The following PSRC1 variants were observed in gnomAD, a reference collection of about 807,000 sequenced individuals.
PSRC1 encodes proline/serine-rich coiled-coil protein 1.
In PSRC1, 30 loss-of-function variants were observed where a neutral mutation model predicts 31.9. That is an observed-to-expected ratio of 0.94 (90% confidence interval 0.70 to 1.28). PSRC1 has a LOEUF of 1.28. Among genes scored for constraint, PSRC1 ranks in the 50% most tolerant of loss-of-function variants. PSRC1 has a pLI of 0.00. For missense variants in PSRC1, 481 were observed against 472.8 expected (o/e 1.02, Z -0.16); for synonymous variants, 191 against 192.1 (o/e 0.99, Z 0.05).
chr1:109,279,887 T>G, exon 7 of PSRC1: 1 of 541,348 alleles, frequency 1.8e-6, no homozygotes, highest in Non-Finnish European at 3.3e-6. Context: ...GTACTTCTCA[T>G]CTTCTATTTG....
intron 5 of PSRC1, 67 bp from the exon 7 acceptor site, chr1:109,280,556 GA>G: frequency 7.5e-7 from 1 of 1,325,480 alleles, no homozygotes; most frequent in Non-Finnish European, 1.1e-6. Context: ...AGAAATACTG[GA>G]TGAAGGGAGC....
chr1:109,281,260 CAAAG>C lies in PSRC1; in HGVS notation c.520-13_520-10del, dbSNP rs748339455. The C allele has an allele frequency of 1.7e-5, 26 of 1,563,380 alleles. No homozygotes were observed. Among genetic ancestry groups the C allele is most frequent in the African/African-American group, 6.9e-5 (5 of 72,944 alleles). ...TTGCAAGTGGGTGACTCCTGAAACA[CAAAG>C]AGAGAGAGAAAAAAGACTAGAGTGG... On this transcript the variant is annotated splice_polypyrimidine_tract_variant and intron_variant, in intron 4 of 6. Transcript: ENST00000409138.
chr1:109,281,364 G>T, intron 4 of PSRC1, 113 bp from the exon 5 acceptor site: 1 of 957,944 alleles, frequency 1.0e-6, no homozygotes, highest in Non-Finnish European at 1.5e-6. Flanking sequence ...GTAAGGAAGG[G>T]TAGAAGTTAG....
Position 109,280,382 on chromosome 1 carries a change from A to G in PSRC1, c.1088+14T>C. 1 of 1,591,928 alleles carries G rather than the reference A, an allele frequency of 6.3e-7. No individual in the cohort carries two copies. The highest frequency in any genetic ancestry group is 8.6e-7 in the Non-Finnish European group (1 of 1,164,184). On this transcript the variant is annotated intron_variant, in intron 6 of 6. Coordinates refer to ENST00000409138, the Ensembl canonical transcript of PSRC1. ...GGTAGGGAGACAGGATGGGCAAGGG[A>G]GGACCAGACTGACCTGGTAGGTCCT...
intron 1 of PSRC1, 88 bp from the exon 2 acceptor site, chr1:109,282,824 T>G: frequency 1.1e-5 from 15 of 1,337,168 alleles, no homozygotes; most frequent in Non-Finnish European, 1.6e-5. Flanking sequence ...TCGGGGGTCA[T>G]GCTGGAGGCA....
At chr1:109,282,087 A>G in intron 3 of PSRC1, 27 bp from the exon 4 acceptor site, 1 of 1,461,306 alleles carries the variant, frequency 6.8e-7, no homozygotes. Flanking sequence ...ACCAGGCATC[A>G]TGCCCATGCA....
chr1:109,282,059 G>A lies in PSRC1; in HGVS notation c.79C>T (p.Arg27Cys), dbSNP rs531649180. 8.8e-6 allele frequency: 13 copies of A among 1,485,036 alleles called. No individual in the cohort carries two copies. The highest frequency in any genetic ancestry group is 2.8e-5 in the African/African-American group (2 of 71,464). The allele number at this position is 1,485,036 out of a possible 1,614,324, so 92.0% of individuals were successfully genotyped here. A position where few individuals can be genotyped will look rare whatever the true frequency, so the allele number is the denominator to read the frequency against. Residue 27 changes from arginine to cysteine, a missense_variant and splice_region_variant, in exon 4 of 7, where the codon CGT becomes TGT. Coordinates refer to ENST00000409138, the Ensembl canonical transcript of PSRC1. ...AACACTGTTATGTCTTCCTCCTCAC[G>A]GCTGAGACAGGAAACAAACCAGGCA...
At position 109,281,604 on chromosome 1, in the gene PSRC1, ACT is replaced by A. The variant is rs1161329135; in HGVS notation, c.519+13_519+14del. 10 of 1,598,046 alleles carry A rather than the reference ACT, an allele frequency of 6.3e-6. No individual in the cohort carries two copies. The highest frequency in any genetic ancestry group is 1.7e-4 in the Middle Eastern group (1 of 6,022). ...ATGTCTGGGGCACACCTCCAACTCAACTCTCTCAACTCACCCTCTTCATGTTG... is the reference window on the plus strand; with the variant it reads ...ATGTCTGGGGCACACCTCCAACTCAACTCTCAACTCACCCTCTTCATGTTG... On this transcript the variant is annotated intron_variant, in intron 4 of 6. Transcript: ENST00000409138.
chr1:109,282,649 C>T (rs1249303936), intron 2 of PSRC1, 31 bp downstream of exon 2: 2 of 1,588,122 alleles, frequency 1.3e-6, no homozygotes, highest in Middle Eastern at 1.7e-4. Flanking sequence ...CTCACTCCTC[C>T]CTTTCATTCT....
intron 2 of PSRC1, 43 bp downstream of exon 2, chr1:109,282,637 G>A: frequency 6.2e-7 from 1 of 1,601,596 alleles, no homozygotes. Flanking sequence ...CCATCGCTGG[G>A]TCTCACTCCT....
chr1:109,283,085 T>G, exon 1 of PSRC1: 3 of 294,656 alleles, frequency 1.0e-5, no homozygotes, highest in African/African-American at 2.2e-5. Flanking sequence ...CTGTGTCCAC[T>G]TCCCGCGCCG....
intron 1 of PSRC1, 22 bp downstream of exon 1, chr1:109,283,041 T>C: frequency 2.3e-6 from 1 of 427,454 alleles, no homozygotes; most frequent in Non-Finnish European, 4.2e-6. Flanking sequence ...TCCACTCCCC[T>C]GGCATCACAC....
chr1:109,282,142 A>G (rs1469780087), intron 3 of PSRC1, 82 bp from the exon 4 acceptor site: 5 of 1,271,150 alleles, frequency 3.9e-6, no homozygotes, highest in Non-Finnish European at 5.3e-6. Flanking sequence ...TAAAAGCCCC[A>G]CAACAGAGCC....
rs765362726 is a variant in PSRC1, at chr1:109,281,714, T to A, written c.424A>T (p.Ser142Cys). ...CTCCGGAGTCGAGGCGTCAGGCTGC[T>A]TGGGGAGGGGGTGCTCCGCGTCAAA... Residue 142 changes from serine (S) to cysteine (C), a missense_variant, in exon 4 of 7, where the codon AGC (serine) becomes TGC (cysteine). Ser to Cys is a moderately radical substitution (Grantham distance 112). Transcript: ENST00000409138. The A allele has an allele frequency of 4.3e-6, 7 of 1,613,870 alleles. No homozygotes were observed. In the African/African-American group the frequency reaches 8.0e-5, roughly 18 times the overall value.
At chr1:109,282,573 C>A (rs943435350) in exon 3 of PSRC1, 6 of 1,614,020 alleles carry the variant, frequency 3.7e-6, no homozygotes, top group Non-Finnish European at 2.5e-6. Flanking sequence ...ATAAACCTTA[C>A]ATCTGAAGGG....
At chr1:109,282,653 T>A in intron 2 of PSRC1, 27 bp downstream of exon 2, 3 of 1,583,336 alleles carry the variant, frequency 1.9e-6, no homozygotes, top group Non-Finnish European at 2.6e-6. Context: ...CTCCTCCCTT[T>A]CATTCTTCCC....
At chr1:109,280,858 G>A (rs769227372) in exon 5 of PSRC1, 36 of 1,613,488 alleles carry the variant, frequency 2.2e-5, no homozygotes, top group Admixed American at 5.0e-5. Flanking sequence ...GAATCCGGAG[G>A]TAGGGCACCT....
At chr1:109,280,253 TG>T in intron 6 of PSRC1, 97 bp from the exon 8 acceptor site, 1 of 1,497,692 alleles carries the variant, frequency 6.7e-7, no homozygotes, top group Non-Finnish European at 9.3e-7. Flanking sequence ...TGGGAAGAAA[TG>T]GGATCCCCCT....
chr1:109,282,313 T>C (rs759595614), intron 3 of PSRC1: 139 of 619,638 alleles, frequency 2.2e-4, no homozygotes, highest in Non-Finnish European at 3.7e-4. Flanking sequence ...TCCTTCTTCT[T>C]AACACCCTGA....
Sources: gnomAD v4.1 joint callset for allele counts on GRCh38, gnomAD v4.1.1 for gene constraint, MANE v1.5 for transcripts, NCBI Gene and HGNC (gene_info 2026-07-23, HGNC 2026-07-21) for gene names.